ADD1: variants seen among roughly 807,000 people sequenced by gnomAD.
ADD1 encodes alpha-adducin.
A neutral mutation model predicts 80.5 loss-of-function variants in ADD1; 24 were observed. The observed-to-expected ratio is 0.30, with a 90% CI of 0.22 to 0.42. The LOEUF (loss-of-function observed/expected upper bound fraction) is 0.42. Among genes scored for constraint, ADD1 ranks in the 10% least tolerant of loss-of-function variants. The probability of loss-of-function intolerance (pLI) is 1.00; values close to 1 mark genes in which losing one functional copy is unlikely to be tolerated. For missense variants in ADD1, 948 were observed against 1,019.0 expected, an observed-to-expected ratio of 0.93 and a Z score of 0.95; for synonymous variants, 373 against 393.8, an observed-to-expected ratio of 0.95 and a Z score of 0.63.
chr4:2,928,406 G>A lies in ADD1; in HGVS notation c.2283G>A (p.Glu761=), dbSNP rs902897551. ...AGGCTGCCCCCTCAGCTGTCGAGGA[G>A]GGGGCCGCCGCGGACCCTGGCAGCG... is the stretch of plus-strand genomic sequence containing the variant. ...AEEAAPSAVE[E]GAAADPGSDG... Residue 761 remains glutamate, a synonymous_variant, in exon 16 of 16, where the codon GAG becomes GAA. Transcript: ENST00000683351. 1 of 1,613,242 alleles carries A rather than the reference G, an allele frequency of 6.2e-7. No individual in the cohort carries two copies. Among genetic ancestry groups the A allele is most frequent in the Non-Finnish European group, 8.5e-7 (1 of 1,179,926 alleles).
chr4:2,923,567 G>A (rs920693220), intron 14 of ADD1, among the ~76,000 whole-genome samples: 9 of 152,242 alleles, frequency 5.9e-5, no homozygotes, highest in Admixed American at 5.2e-4. Context: ...GCTGCAGATC[G>A]GAGCTGTTCC....
At position 2,898,254 on chromosome 4, in the gene ADD1, A is replaced by G. The variant is rs1735588456; in HGVS notation, c.812A>G (p.His271Arg). 4 of 1,614,102 alleles carry G rather than the reference A, an allele frequency of 2.5e-6. No homozygotes were observed. Among genetic ancestry groups the G allele is most frequent in the Middle Eastern group, 1.6e-4 (1 of 6,084 alleles). The change falls in exon 7 of 16, where the codon CAT becomes CGT. Residue 271 changes from histidine to arginine, a missense_variant. Transcript: ENST00000683351. ...EALSLGEVAYHDYHGILVDEE... is the reference protein window; with the variant it reads ...EALSLGEVAYRDYHGILVDEE... ...CTTTCCCTTGGAGAAGTGGCTTATC[A>G]TGACTACCATGGCATTCTGGTTGAT... is the stretch of plus-strand genomic sequence containing the variant.
chr4:2,871,072 C>T (rs897527735), intron 1 of ADD1, among the ~76,000 whole-genome samples: 3 of 151,778 alleles, frequency 2.0e-5, no homozygotes, highest in African/African-American at 4.8e-5. Flanking sequence ...GGGTTCATGC[C>T]ATTCTCCTGT....
At chr4:2,914,514 A>G (rs1336139996) in intron 13 of ADD1, among the ~76,000 whole-genome samples, 1 of 152,186 alleles carries the variant, frequency 6.6e-6, no homozygotes, top group African/African-American at 2.4e-5. Flanking sequence ...CATGAGGAAA[A>G]CTTACTGACT....
At chr4:2,918,133 T>C (rs191256862) in intron 14 of ADD1, among the ~76,000 whole-genome samples, 1 of 152,194 alleles carries the variant, frequency 6.6e-6, no homozygotes, top group East Asian at 1.9e-4. Flanking sequence ...GTTTTCACAA[T>C]ACTGATTCTT....
chr4:2,907,012 A>G (rs900114940), intron 10 of ADD1, among the ~76,000 whole-genome samples: 1 of 152,216 alleles, frequency 6.6e-6, no homozygotes, highest in African/African-American at 2.4e-5. Context: ...CCAAAAAAAA[A>G]TTATGGGTGG....
At chr4:2,905,313 A>G in intron 10 of ADD1, 1 of 591,678 alleles carries the variant, frequency 1.7e-6, no homozygotes, top group Non-Finnish European at 3.0e-6. Flanking sequence ...CTTAAGATGT[A>G]ATGTAACTCC....
chr4:2,867,395 A>G (rs1235263545), intron 1 of ADD1, among the ~76,000 whole-genome samples: 1 of 152,180 alleles, frequency 6.6e-6, no homozygotes, highest in East Asian at 1.9e-4. Flanking sequence ...TTTTTGGCTC[A>G]GTACTGACCC....
chr4:2,916,960 A>G (rs978569174), intron 14 of ADD1, among the ~76,000 whole-genome samples: 2 of 151,588 alleles, frequency 1.3e-5, no homozygotes, highest in African/African-American at 4.8e-5. Flanking sequence ...GTTGTTTCCA[A>G]CTCTTTCGTA....
rs905798791 is a variant in ADD1, at chr4:2,929,983, C to T, written c.*1460C>T. ...CATGAAATATAGTTGCATATATGGA[C>T]ACCGACTTGGGAGGACAGGTCCTGA... On this transcript the variant is annotated 3_prime_UTR_variant, in exon 16 of 16. Transcript: ENST00000683351. 6.6e-6 allele frequency: 1 copy of T among 152,608 alleles called. No homozygotes were observed. The highest frequency in any genetic ancestry group is 1.5e-5 in the Non-Finnish European group (1 of 68,050). The allele number at this position is 152,608 out of a possible 1,614,324, so 9.5% of individuals were successfully genotyped here.
intron 15 of ADD1, 59 bp from the exon 16 acceptor site, chr4:2,928,112 A>T (rs1179984965): frequency 1.3e-6 from 2 of 1,486,058 alleles, no homozygotes; most frequent in Non-Finnish European, 1.8e-6. Context: ...CCCCATCTCA[A>T]GCTGCCCTTT....
intron 1 of ADD1, among the ~76,000 whole-genome samples, chr4:2,854,338 G>GCAAGCAAA (rs1446587609): frequency 3.9e-5 from 6 of 152,128 alleles, no homozygotes; most frequent in Non-Finnish European, 8.8e-5. Flanking sequence ...AAGCAAGCAA[G>GCAAGCAAA]CAAGCAAGAA....
chr4:2,906,384 G>A (rs1490283587), intron 10 of ADD1, among the ~76,000 whole-genome samples: 1 of 149,330 alleles, frequency 6.7e-6, no homozygotes, highest in Non-Finnish European at 1.5e-5. Flanking sequence ...GGAAGTGGGC[G>A]TTATAAAACA....
intron 1 of ADD1, among the ~76,000 whole-genome samples, chr4:2,857,732 A>G (rs1235826192): frequency 6.6e-6 from 1 of 152,208 alleles, no homozygotes; most frequent in South Asian, 2.1e-4. Flanking sequence ...GGTTGGTTCC[A>G]AAGTGCACGG....
chr4:2,876,934 G>A (rs1455378434), intron 2 of ADD1, among the ~76,000 whole-genome samples: 5 of 151,826 alleles, frequency 3.3e-5, no homozygotes, highest in African/African-American at 7.3e-5. Flanking sequence ...ACCGGGAGGC[G>A]GAGGTTGCAG....
chr4:2,884,408 C>T (rs1577556314), intron 3 of ADD1, 107 bp from the exon 4 acceptor site: 2 of 886,454 alleles, frequency 2.3e-6, no homozygotes, highest in Admixed American at 5.4e-5. Context: ...GCACTACAGC[C>T]TCAAACTCAT....
intron 14 of ADD1, among the ~76,000 whole-genome samples, chr4:2,925,031 C>G (rs975864451): frequency 3.3e-5 from 5 of 152,322 alleles, no homozygotes; most frequent in Admixed American, 6.5e-5. Context: ...GGGACAGGCT[C>G]TGGCCGTGCT....
chr4:2,906,890 C>G (rs1341482459), intron 10 of ADD1, among the ~76,000 whole-genome samples: 2 of 151,944 alleles, frequency 1.3e-5, no homozygotes, highest in African/African-American at 4.8e-5. Flanking sequence ...TATTGCCTCT[C>G]GAAAGTATTC....
intron 4 of ADD1, among the ~76,000 whole-genome samples, chr4:2,892,283 C>T (rs1023601848): frequency 6.6e-6 from 1 of 152,172 alleles, no homozygotes; most frequent in African/African-American, 2.4e-5. Context: ...GGTTCCTTAA[C>T]CCATTAGTAA....
Sources: gnomAD v4.1 joint callset for allele counts (sites outside exome capture counted in the v4.1 genomes callset) on GRCh38, gnomAD v4.1.1 for gene constraint, MANE v1.5 for transcripts, NCBI Gene and HGNC (gene_info 2026-07-23, HGNC 2026-07-21) for gene names.